SLC24A2: variants seen among roughly 807,000 people sequenced by gnomAD.
The protein encoded by SLC24A2 is solute carrier family 24 member 2.
Under a neutral mutation model 62.0 loss-of-function variants are expected in SLC24A2, and 36 were observed. The ratio of observed to expected loss-of-function variants is 0.58; its 90% confidence interval spans 0.44 to 0.77. The LOEUF (loss-of-function observed/expected upper bound fraction) is 0.77, where lower values mean the gene tolerates loss of function less well. Among genes scored for constraint, SLC24A2 ranks in the 30% least tolerant of loss-of-function variants. The probability of loss-of-function intolerance (pLI) is 0.00; values close to 1 mark genes in which losing one functional copy is unlikely to be tolerated. For missense variants in SLC24A2, 846 were observed against 817.9 expected, an observed-to-expected ratio of 1.03 and a Z score of -0.42; for synonymous variants, 358 against 294.0, an observed-to-expected ratio of 1.22 and a Z score of -2.23.
the SLC24A2 span, among the ~76,000 whole-genome samples, chr9:20,299,162 C>G: frequency 6.6e-6 from 1 of 152,200 alleles, no homozygotes; most frequent in Admixed American, 6.5e-5. Context: ...GCAGGCAGGG[C>G]AGGCCCATTA....
intron 2 of SLC24A2, among the ~76,000 whole-genome samples, chr9:19,724,621 T>C (rs1156729885): frequency 1.3e-5 from 2 of 152,218 alleles, no homozygotes; most frequent in African/African-American, 2.4e-5. Flanking sequence ...AGTGTCTTTA[T>C]GACATTTGTA....
At chr9:20,283,827 G>A in the SLC24A2 span, among the ~76,000 whole-genome samples, 4 of 151,236 alleles carry the variant, frequency 2.6e-5, no homozygotes, top group Non-Finnish European at 5.9e-5. Flanking sequence ...TAGGATTCCC[G>A]CATGCGCAAT....
At chr9:19,640,462 C>T (rs759819643) in intron 2 of SLC24A2, among the ~76,000 whole-genome samples, 4 of 152,146 alleles carry the variant, frequency 2.6e-5, no homozygotes, top group Non-Finnish European at 5.9e-5. Flanking sequence ...ACCACAAAAG[C>T]TACACAAGTT....
At chr9:20,199,007 G>T in the SLC24A2 span, among the ~76,000 whole-genome samples, 3 of 152,100 alleles carry the variant, frequency 2.0e-5, no homozygotes, top group African/African-American at 7.2e-5. Flanking sequence ...GGATGGTGCA[G>T]GAAAAATAGA....
chr9:20,087,943 T>C, the SLC24A2 span, among the ~76,000 whole-genome samples: 77 of 152,288 alleles, frequency 5.1e-4, no homozygotes, highest in African/African-American at 1.7e-3. Flanking sequence ...CGGGGACCCA[T>C]GCTTCTCCCA....
intron 7 of SLC24A2, among the ~76,000 whole-genome samples, chr9:19,561,603 T>G (rs182246707): frequency 1.3e-5 from 2 of 151,776 alleles, no homozygotes; most frequent in Non-Finnish European, 2.9e-5. Context: ...CCTGGCTAAT[T>G]TTTTGTATTT....
At chr9:20,247,761 C>G in the SLC24A2 span, among the ~76,000 whole-genome samples, 1 of 152,142 alleles carries the variant, frequency 6.6e-6, no homozygotes, top group African/African-American at 2.4e-5. Flanking sequence ...CCTTTTCAGG[C>G]GACCATCACA....
chr9:19,646,872 CAT>C (rs771868327), intron 2 of SLC24A2, among the ~76,000 whole-genome samples: 1 of 152,124 alleles, frequency 6.6e-6, no homozygotes, highest in Non-Finnish European at 1.5e-5. Flanking sequence ...CACTCACACA[CAT>C]GGAGGGAAAG....
intron 2 of SLC24A2, among the ~76,000 whole-genome samples, chr9:19,660,545 G>C (rs1397272172): frequency 6.6e-6 from 1 of 152,076 alleles, no homozygotes; most frequent in Non-Finnish European, 1.5e-5. Context: ...TTGAGGAGGG[G>C]GACAGGTGAG....
chr9:19,652,008 G>T (rs1353072240), intron 2 of SLC24A2, among the ~76,000 whole-genome samples: 1 of 152,160 alleles, frequency 6.6e-6, no homozygotes, highest in South Asian at 2.1e-4. Context: ...TAAATTGCTC[G>T]ATTACAGGAG....
chr9:20,296,461 G>A, the SLC24A2 span, among the ~76,000 whole-genome samples: 4 of 152,172 alleles, frequency 2.6e-5, no homozygotes, highest in Admixed American at 6.5e-5. Flanking sequence ...CACCAAGAAA[G>A]TGCTTTATTC....
At chr9:19,622,560 T>C (rs1248063370) in intron 2 of SLC24A2, among the ~76,000 whole-genome samples, 1 of 152,194 alleles carries the variant, frequency 6.6e-6, no homozygotes, top group Non-Finnish European at 1.5e-5. Flanking sequence ...ACAGAGCAGT[T>C]AAGTCAACTG....
the SLC24A2 span, among the ~76,000 whole-genome samples, chr9:19,917,457 G>A: frequency 6.7e-6 from 1 of 149,870 alleles, no homozygotes; most frequent in Non-Finnish European, 1.5e-5. Context: ...GGATTGAGAT[G>A]ACATTAGACC....
At chr9:20,087,667 G>A in the SLC24A2 span, among the ~76,000 whole-genome samples, 1 of 152,178 alleles carries the variant, frequency 6.6e-6, no homozygotes, top group Non-Finnish European at 1.5e-5. Context: ...ATTTTAGCAA[G>A]ATCAAAACAG....
the SLC24A2 span, among the ~76,000 whole-genome samples, chr9:20,213,937 C>T: frequency 6.6e-6 from 1 of 152,160 alleles, no homozygotes; most frequent in Non-Finnish European, 1.5e-5. Context: ...TTATTACATG[C>T]CCATGTAAGC....
intron 8 of SLC24A2, among the ~76,000 whole-genome samples, chr9:19,530,313 G>A (rs1437512824): frequency 6.6e-6 from 1 of 152,072 alleles, no homozygotes; most frequent in Admixed American, 6.6e-5. Flanking sequence ...GGGGTCACGT[G>A]TGTGATTAGA....
intron 2 of SLC24A2, among the ~76,000 whole-genome samples, chr9:19,639,487 G>A (rs1299816770): frequency 2.6e-5 from 4 of 152,184 alleles, no homozygotes; most frequent in Admixed American, 2.0e-4. Context: ...CAAGCCTGGG[G>A]TGCCCGGCCA....
the SLC24A2 span, among the ~76,000 whole-genome samples, chr9:19,881,871 G>C: frequency 7.4e-3 from 1,133 of 152,258 alleles, 19 homozygotes; most frequent in African/African-American, 0.026. Flanking sequence ...GGACTCAGGA[G>C]TATATTTGTC....
the SLC24A2 span, among the ~76,000 whole-genome samples, chr9:19,999,972 G>A: frequency 6.6e-6 from 1 of 152,222 alleles, no homozygotes; most frequent in Non-Finnish European, 1.5e-5. Flanking sequence ...TCAAGACAGT[G>A]TGGAGAGGTT....
Sources: allele counts gnomAD v4.1 joint callset (sites outside exome capture counted in the v4.1 genomes callset), GRCh38; gene constraint gnomAD v4.1.1; transcripts MANE v1.5; gene names NCBI Gene and HGNC (gene_info 2026-07-23, HGNC 2026-07-21).